Variants in DAB1 observed in about 807,000 individuals in gnomAD.
DAB1 encodes the protein DAB adaptor protein 1.
Under a neutral mutation model 64.6 loss-of-function variants are expected in DAB1, and 15 were observed. That is an observed-to-expected ratio of 0.23 (90% confidence interval 0.16 to 0.36). DAB1 has a LOEUF of 0.36. Ranked by LOEUF, DAB1 falls within the 10% of genes least tolerant of loss-of-function variation. The pLI is 1.00. For missense variants in DAB1, 596 were observed against 706.7 expected, an observed-to-expected ratio of 0.84 and a Z score of 1.78; for synonymous variants, 235 against 251.9, an observed-to-expected ratio of 0.93 and a Z score of 0.64.
intron 6 of DAB1, among the ~76,000 whole-genome samples, chr1:57,687,599 C>CAAAAAAAAAAAAAAAAAA (rs57316234): frequency 4.9e-4 from 40 of 82,438 alleles, no homozygotes; most frequent in African/African-American, 1.0e-3. Context: ...TCTTAAGAAA[C>CAAAAAAAAAAAAAAAAAA]AAAAAAAAAA....
chr1:58,317,017 T>C (rs916707687), intron 4 of DAB1, among the ~76,000 whole-genome samples: 1 of 152,236 alleles, frequency 6.6e-6, no homozygotes, highest in Non-Finnish European at 1.5e-5. Context: ...AGTTCATTCA[T>C]TAAGAAACTA....
chr1:58,024,311 T>C (rs1646856919), intron 5 of DAB1, among the ~76,000 whole-genome samples: 2 of 151,850 alleles, frequency 1.3e-5, no homozygotes. Flanking sequence ...GGGGTTTGAG[T>C]TGGCCTGAGT....
At position 58,163,079 on chromosome 1, in the gene DAB1, G is replaced by T. The variant is rs1205836032; in HGVS notation, n.310-12491C>A. Among the ~76,000 whole-genome samples, 6 of 152,242 alleles carry T rather than the reference G, an allele frequency of 3.9e-5. No homozygotes were observed. In the East Asian group the frequency reaches 7.7e-4, roughly 20 times the overall value. On this transcript the variant is annotated intron_variant and non_coding_transcript_variant, in intron 4 of 20. Transcript: ENST00000485760. ...GCCAAAGTGGAGAAACCTATTCTAA[G>T]TTAGCCCTGCGAAAACCGGGAAGCA...
At chr1:58,296,175 A>AAAGAAAG (rs1557724758) in intron 4 of DAB1, among the ~76,000 whole-genome samples, 19 of 129,010 alleles carry the variant, frequency 1.5e-4, no homozygotes, top group African/African-American at 5.5e-4. Context: ...AGAAAGAAAA[A>AAAGAAAG]AGAAAGAAAG....
At chr1:57,013,936 T>C (rs761869792) in intron 12 of DAB1, among the ~76,000 whole-genome samples, 1 of 152,192 alleles carries the variant, frequency 6.6e-6, no homozygotes, top group Non-Finnish European at 1.5e-5. Flanking sequence ...CCAATTCACT[T>C]ATTTTACCAA....
chr1:57,460,521 C>T (rs1254695465), intron 7 of DAB1, among the ~76,000 whole-genome samples: 1 of 152,174 alleles, frequency 6.6e-6, no homozygotes, highest in African/African-American at 2.4e-5. Context: ...TATGCTTTTG[C>T]AATGGGACTG....
At chr1:58,380,205 A>G (rs1402624192) in intron 3 of DAB1, among the ~76,000 whole-genome samples, 1 of 152,192 alleles carries the variant, frequency 6.6e-6, no homozygotes, top group African/African-American at 2.4e-5. Flanking sequence ...AAGGAGGGAC[A>G]TGGTGGGAGG....
At chr1:58,523,650 A>G (rs1311982130) in intron 2 of DAB1, among the ~76,000 whole-genome samples, 2 of 152,204 alleles carry the variant, frequency 1.3e-5, no homozygotes, top group African/African-American at 4.8e-5. Flanking sequence ...CTGTAATCCC[A>G]GCACTTTGGG....
At chr1:57,537,948 G>T (rs1188725703) in intron 7 of DAB1, among the ~76,000 whole-genome samples, 1 of 152,046 alleles carries the variant, frequency 6.6e-6, no homozygotes, top group South Asian at 2.1e-4. Context: ...GGCTAGGGGG[G>T]CATGCAAGGC....
At chr1:58,537,537 A>C (rs1034386576) in intron 1 of DAB1, among the ~76,000 whole-genome samples, 1 of 148,856 alleles carries the variant, frequency 6.7e-6, no homozygotes, top group Admixed American at 6.7e-5. Context: ...ACCAGGCAAC[A>C]ATACTCTCTG....
intron 2 of DAB1, among the ~76,000 whole-genome samples, chr1:57,185,956 T>G (rs1339921752): frequency 6.6e-6 from 1 of 151,664 alleles, no homozygotes; most frequent in Non-Finnish European, 1.5e-5. Context: ...TCCTGTGGAG[T>G]TGGGACTCAC....
chr1:58,190,502 G>A (rs1047056225), intron 4 of DAB1, among the ~76,000 whole-genome samples: 1 of 152,116 alleles, frequency 6.6e-6, no homozygotes. Flanking sequence ...TTGGCCACGG[G>A]TTCTCTCTTT....
intron 7 of DAB1, among the ~76,000 whole-genome samples, chr1:57,483,943 A>G (rs1644057111): frequency 6.6e-6 from 1 of 152,194 alleles, no homozygotes; most frequent in African/African-American, 2.4e-5. Context: ...ATTAATAGGA[A>G]AATCAACGAA....
At chr1:57,367,510 G>GT (rs1680156260) in intron 1 of DAB1, among the ~76,000 whole-genome samples, 1 of 152,172 alleles carries the variant, frequency 6.6e-6, no homozygotes, top group African/African-American at 2.4e-5. Context: ...TCAGCTTGCA[G>GT]TAAGAATCAA....
At chr1:57,243,585 C>T (rs1457142683) in intron 2 of DAB1, among the ~76,000 whole-genome samples, 1 of 152,204 alleles carries the variant, frequency 6.6e-6, no homozygotes, top group African/African-American at 2.4e-5. Context: ...TCTGTTCTTG[C>T]ATCCAACCCA....
chr1:58,342,967 T>C (rs1643956422), intron 4 of DAB1, among the ~76,000 whole-genome samples: 1 of 152,206 alleles, frequency 6.6e-6, no homozygotes, highest in South Asian at 2.1e-4. Context: ...CCTCCCTGCA[T>C]AAAGCCTGTT....
At chr1:57,933,360 CTTG>C (rs575254188) in intron 5 of DAB1, among the ~76,000 whole-genome samples, 252 of 152,188 alleles carry the variant, frequency 1.7e-3, no homozygotes, top group Non-Finnish European at 2.3e-3. Flanking sequence ...CAGCTTTTTA[CTTG>C]TTGTTAGGAT....
intron 4 of DAB1, among the ~76,000 whole-genome samples, chr1:58,322,946 T>C (rs1662722371): frequency 6.6e-6 from 1 of 152,100 alleles, no homozygotes; most frequent in Admixed American, 6.5e-5. Flanking sequence ...TGTAGGGACA[T>C]GGATGAAGCT....
At chr1:57,721,556 T>C (rs1225601187) in intron 6 of DAB1, among the ~76,000 whole-genome samples, 5 of 152,150 alleles carry the variant, frequency 3.3e-5, no homozygotes, top group Non-Finnish European at 7.4e-5. Flanking sequence ...CACAGAGAGG[T>C]TGTCATTTCC....
Sources: allele counts gnomAD v4.1 joint callset (sites outside exome capture counted in the v4.1 genomes callset), GRCh38; gene constraint gnomAD v4.1.1; transcripts MANE v1.5; gene names NCBI Gene and HGNC (gene_info 2026-07-23, HGNC 2026-07-21).